PPP1R12B: variants seen among roughly 807,000 people sequenced by gnomAD.
PPP1R12B encodes protein phosphatase 1 regulatory subunit 12B, also known as myosin phosphatase target subunit 2.
Under a neutral mutation model 126.1 loss-of-function variants are expected in PPP1R12B, and 76 were observed. The observed-to-expected ratio is 0.60, with a 90% CI of 0.50 to 0.73. The LOEUF is 0.73. Among genes scored for constraint, PPP1R12B ranks in the 30% least tolerant of loss-of-function variants. The pLI is 0.00. For synonymous variants in PPP1R12B, 356 were observed against 434.7 expected, an observed-to-expected ratio of 0.82 and a Z score of 2.25; for missense variants, 1,052 against 1,205.1, an observed-to-expected ratio of 0.87 and a Z score of 1.88.
chr1:202,411,739 T>G (rs1667424564), intron 1 of PPP1R12B, among the ~76,000 whole-genome samples: 1 of 152,130 alleles, frequency 6.6e-6, no homozygotes, highest in South Asian at 2.1e-4. Flanking sequence ...TATAGATGAG[T>G]ACATATGCTT....
chr1:202,504,390 C>T (rs1680588685), intron 18 of PPP1R12B, among the ~76,000 whole-genome samples: 1 of 151,758 alleles, frequency 6.6e-6, no homozygotes, highest in Non-Finnish European at 1.5e-5. Context: ...GAGACCCTGT[C>T]CCCCCCAAAA....
intron 9 of PPP1R12B, 21 bp from the exon 10 acceptor site, chr1:202,437,799 CT>C: frequency 6.4e-7 from 1 of 1,569,528 alleles, no homozygotes; most frequent in South Asian, 1.2e-5. Context: ...TTTTTCATTT[CT>C]TTTATTTGCT....
intron 13 of PPP1R12B, among the ~76,000 whole-genome samples, chr1:202,483,979 T>C (rs1677744782): frequency 6.6e-6 from 1 of 152,224 alleles, no homozygotes; most frequent in Admixed American, 6.5e-5. Flanking sequence ...TCCCTCCCTT[T>C]ACTTTTATTC....
At chr1:202,545,275 G>C (rs886161082) in intron 18 of PPP1R12B, among the ~76,000 whole-genome samples, 2 of 152,174 alleles carry the variant, frequency 1.3e-5, no homozygotes, top group Non-Finnish European at 2.9e-5. Flanking sequence ...AATCTTCCTA[G>C]AATAGTAAAA....
intron 13 of PPP1R12B, among the ~76,000 whole-genome samples, chr1:202,478,365 A>G (rs899237959): frequency 6.6e-6 from 1 of 152,242 alleles, no homozygotes; most frequent in African/African-American, 2.4e-5. Context: ...TCTCTACTGA[A>G]AACGTAGTAT....
At chr1:202,385,027 G>A (rs1318736963) in intron 1 of PPP1R12B, among the ~76,000 whole-genome samples, 4 of 152,218 alleles carry the variant, frequency 2.6e-5, no homozygotes, top group Admixed American at 1.3e-4. Flanking sequence ...AATGCCAAGA[G>A]TGTGATGCTA....
chr1:202,365,476 C>G (rs1211903666), intron 1 of PPP1R12B, among the ~76,000 whole-genome samples: 2 of 151,926 alleles, frequency 1.3e-5, no homozygotes, highest in African/African-American at 4.8e-5. Context: ...TGCTTTATAC[C>G]AAGTGTTGCT....
At chr1:202,352,130 A>G (rs1355090422) in intron 1 of PPP1R12B, among the ~76,000 whole-genome samples, 1 of 152,210 alleles carries the variant, frequency 6.6e-6, no homozygotes, top group Non-Finnish European at 1.5e-5. Flanking sequence ...CAAGGTATTA[A>G]TCTGATTATA....
In PPP1R12B at chr1:202,520,765, T is replaced by C. The variant is rs60037980; in HGVS notation, c.2490+23943T>C. Among the ~76,000 whole-genome samples, 241 of 152,312 alleles carry C rather than the reference T, an allele frequency of 1.6e-3. 8 individuals are homozygous for C. In the East Asian group the frequency reaches 0.039, roughly 25 times the overall value. Reference sequence around the variant, plus strand: ...GGGTGGCAGAGTGAATACTCCTGAATCTTATTCCTCTCATTCAAAAACAGA... The same window carrying C: ...GGGTGGCAGAGTGAATACTCCTGAACCTTATTCCTCTCATTCAAAAACAGA... On this transcript the variant is annotated intron_variant, in intron 18 of 23. Coordinates refer to ENST00000608999, the MANE Select transcript of PPP1R12B (RefSeq NM_002481.4).
intron 13 of PPP1R12B, among the ~76,000 whole-genome samples, chr1:202,468,193 T>A (rs1572160251): frequency 6.6e-6 from 1 of 151,786 alleles, no homozygotes; most frequent in African/African-American, 2.4e-5. Context: ...ACTCTGATGG[T>A]AGTTTCTTTT....
chr1:202,505,238 G>A (rs190752077), intron 18 of PPP1R12B, among the ~76,000 whole-genome samples: 1 of 152,342 alleles, frequency 6.6e-6, no homozygotes, highest in Non-Finnish European at 1.5e-5. Flanking sequence ...ATCTGATCAA[G>A]TCAAGTCCCT....
intron 1 of PPP1R12B, among the ~76,000 whole-genome samples, chr1:202,389,926 CAAAAAAAAAAA>C (rs35190931): frequency 1.0e-5 from 1 of 95,864 alleles, no homozygotes; most frequent in African/African-American, 3.9e-5. Context: ...GACTCTGTCT[CAAAAAAAAAAA>C]AAAAAAAAAT....
intron 18 of PPP1R12B, among the ~76,000 whole-genome samples, chr1:202,523,817 C>T (rs1276932025): frequency 2.6e-5 from 4 of 152,096 alleles, no homozygotes; most frequent in African/African-American, 4.8e-5. Context: ...CAGGTTCAAG[C>T]GATTCTCCTG....
At chr1:202,405,228 A>T (rs1410285885) in intron 1 of PPP1R12B, among the ~76,000 whole-genome samples, 1 of 152,154 alleles carries the variant, frequency 6.6e-6, no homozygotes, top group Non-Finnish European at 1.5e-5. Context: ...GGTAAAACGC[A>T]GTCTAAAGCC....
At chr1:202,466,386 C>G (rs1356432404) in intron 13 of PPP1R12B, among the ~76,000 whole-genome samples, 1 of 152,058 alleles carries the variant, frequency 6.6e-6, no homozygotes, top group Non-Finnish European at 1.5e-5. Flanking sequence ...TCTACCATAA[C>G]CTCTCTGATA....
At chr1:202,553,928 C>T (rs1686603276) in intron 18 of PPP1R12B, among the ~76,000 whole-genome samples, 1 of 152,136 alleles carries the variant, frequency 6.6e-6, no homozygotes, top group South Asian at 2.1e-4. Flanking sequence ...AGTCTCCCTG[C>T]AGGGTTGGCA....
At chr1:202,465,552 G>T (rs573519314) in intron 13 of PPP1R12B, among the ~76,000 whole-genome samples, 1 of 152,286 alleles carries the variant, frequency 6.6e-6, no homozygotes, top group African/African-American at 2.4e-5. Context: ...GCTGTCCAGG[G>T]TTGGCTGAGG....
rs574022825 is a variant in PPP1R12B at position 202,584,870 on chromosome 1, G to A, written c.*4310G>A. On this transcript the variant is annotated 3_prime_UTR_variant, in exon 24 of 24. Coordinates refer to ENST00000608999, the MANE Select transcript of PPP1R12B (RefSeq NM_002481.4). ...GCTTATCAGTGAAGTAACACTGCAG[G>A]AGCCCTGGTATCCTTCCCTCAGAGA... 1 of 152,178 alleles carries A rather than the reference G, an allele frequency of 6.6e-6. No individual in the cohort carries two copies. Among genetic ancestry groups the A allele is most frequent in the South Asian group, 2.1e-4 (1 of 4,822 alleles). The allele number at this position is 152,178 out of a possible 1,614,324, so 9.4% of individuals were successfully genotyped here.
In PPP1R12B at chr1:202,419,239, G is replaced by C. The variant is rs1378741608; in HGVS notation, c.422+2322G>C. ...CAAACATACATCATTTGGCTTTATA[G>C]TTTATTGAGTTGCTAATTTATTCTC... On this transcript the variant is annotated intron_variant, in intron 2 of 23. Coordinates refer to ENST00000608999, the MANE Select transcript of PPP1R12B (RefSeq NM_002481.4). This position sits in a 1 kb window ranked among gnomAD's most constrained non-coding sequence, Gnocchi z 4.6. Among the ~76,000 whole-genome samples, 1 of 152,088 alleles carries C rather than the reference G, an allele frequency of 6.6e-6. No individual in the cohort carries two copies. The highest frequency in any genetic ancestry group is 1.9e-4 in the East Asian group (1 of 5,198).
Sources: gnomAD v4.1 joint callset for allele counts (sites outside exome capture counted in the v4.1 genomes callset) on GRCh38, gnomAD v4.1.1 for gene constraint, Gnocchi (gnomAD v3.1) non-coding constraint, MANE v1.5 for transcripts, NCBI Gene and HGNC (gene_info 2026-07-23, HGNC 2026-07-21) for gene names.